The following EEPD1 variants were observed in gnomAD, a reference collection of about 807,000 sequenced individuals.
The protein encoded by EEPD1 is endonuclease/exonuclease/phosphatase family domain-containing protein 1.
A neutral mutation model predicts 46.3 loss-of-function variants in EEPD1; 17 were observed. The ratio of observed to expected loss-of-function variants is 0.37; its 90% CI spans 0.25 to 0.55. The LOEUF is 0.55. EEPD1 is among the 20% of genes least tolerant of loss of function. EEPD1 has a pLI of 0.83. For missense variants in EEPD1, 673 were observed against 745.6 expected (o/e 0.90, Z 1.13); for synonymous variants, 313 against 315.6 (o/e 0.99, Z 0.09).
At chr7:36,238,377 T>A (rs1786493959) in intron 2 of EEPD1, among the ~76,000 whole-genome samples, 1 of 152,218 alleles carries the variant, frequency 6.6e-6, no homozygotes, top group Non-Finnish European at 1.5e-5. Flanking sequence ...TTGGCCTTAT[T>A]TTACCCAGCC....
intron 3 of EEPD1, among the ~76,000 whole-genome samples, chr7:36,250,247 A>G (rs1225351118): frequency 6.6e-6 from 1 of 152,184 alleles, no homozygotes; most frequent in Non-Finnish European, 1.5e-5. Flanking sequence ...TAAAAATACT[A>G]ATTACATAAC....
chr7:36,199,732 C>T (rs1785682236), intron 2 of EEPD1, among the ~76,000 whole-genome samples: 1 of 152,126 alleles, frequency 6.6e-6, no homozygotes, highest in Admixed American at 6.5e-5. Context: ...AGACACTGGG[C>T]AGACTACCTT....
chr7:36,236,175 G>C (rs957185802), intron 2 of EEPD1, among the ~76,000 whole-genome samples: 1 of 152,210 alleles, frequency 6.6e-6, no homozygotes, highest in Non-Finnish European at 1.5e-5. Context: ...GCTCCGCCTC[G>C]GCGTCCGCTC....
chr7:36,292,005 G>A (rs763351746), intron 6 of EEPD1, among the ~76,000 whole-genome samples: 1 of 152,204 alleles, frequency 6.6e-6, no homozygotes, highest in Non-Finnish European at 1.5e-5. Context: ...AAATGCTTTA[G>A]GAGAAAACCT....
At chr7:36,198,353 AAAAAAG>A (rs1414733687) in intron 2 of EEPD1, among the ~76,000 whole-genome samples, 144 of 145,916 alleles carry the variant, frequency 9.9e-4, no homozygotes, top group South Asian at 3.5e-3. Context: ...AAAAAAAAAA[AAAAAAG>A]AAAGATATTT....
At chr7:36,169,387 C>A (rs1785041306) in intron 2 of EEPD1, among the ~76,000 whole-genome samples, 2 of 152,174 alleles carry the variant, frequency 1.3e-5, no homozygotes, top group Non-Finnish European at 2.9e-5. Context: ...ACATCCTCAT[C>A]AACAGTTGTT....
Position 36,299,224 on chromosome 7 carries a change from G to A in EEPD1, c.*18G>A, listed in dbSNP as rs374760101. 5 of 1,610,956 alleles carry A rather than the reference G, an allele frequency of 3.1e-6. No homozygotes were observed. Among genetic ancestry groups the A allele is most frequent in the East Asian group, 2.2e-5 (1 of 44,716 alleles). Reference sequence around the variant, plus strand: ...AGCGATGATGACACCAAATCCATGTGTCCACCCTGGGACCCAGGAGGGCAC... The same window carrying A: ...AGCGATGATGACACCAAATCCATGTATCCACCCTGGGACCCAGGAGGGCAC... On this transcript the variant is annotated 3_prime_UTR_variant, in exon 8 of 8. Coordinates refer to ENST00000242108, the MANE Select transcript of EEPD1 (RefSeq NM_030636.3).
rs1030471027 is a variant in EEPD1, at chr7:36,299,611, A to G, written c.*405A>G. ...AGCACTCATTTCTGACCACCAGGCT[A>G]TGACGTTCCTGCTGCGCATTACAGA... is the stretch of plus-strand genomic sequence containing the variant. On this transcript the variant is annotated 3_prime_UTR_variant, in exon 8 of 8. Transcript: ENST00000242108. 3 of 218,736 alleles carry G rather than the reference A, an allele frequency of 1.4e-5. No homozygotes were observed. The highest frequency in any genetic ancestry group is 2.3e-5 in the African/African-American group (1 of 43,790). The allele number at this position is 218,736 out of a possible 1,614,324, so 13.5% of individuals were successfully genotyped here.
chr7:36,228,109 T>C (rs1243310116), intron 2 of EEPD1, among the ~76,000 whole-genome samples: 1 of 152,180 alleles, frequency 6.6e-6, no homozygotes, highest in Non-Finnish European at 1.5e-5. Flanking sequence ...GATTCCTTCA[T>C]TAATTTCCTC....
intron 2 of EEPD1, among the ~76,000 whole-genome samples, chr7:36,169,217 T>G (rs1355906526): frequency 6.6e-6 from 1 of 152,210 alleles, no homozygotes; most frequent in Non-Finnish European, 1.5e-5. Flanking sequence ...TATATTTTCA[T>G]TTCTTTGGGG....
At chr7:36,158,436 A>G (rs1459287110) in intron 2 of EEPD1, among the ~76,000 whole-genome samples, 1 of 152,152 alleles carries the variant, frequency 6.6e-6, no homozygotes, top group East Asian at 1.9e-4. Flanking sequence ...CTGGCTGTGA[A>G]TTTGCTTTAG....
intron 2 of EEPD1, among the ~76,000 whole-genome samples, chr7:36,223,262 C>T (rs1032215479): frequency 6.6e-6 from 1 of 152,162 alleles, no homozygotes; most frequent in Non-Finnish European, 1.5e-5. Context: ...CTCACTATTG[C>T]ATGCTGGGTG....
intron 2 of EEPD1, among the ~76,000 whole-genome samples, chr7:36,219,798 AGAGAGAGAGTGTGT>A (rs1174350810): frequency 1.6e-3 from 126 of 77,042 alleles, no homozygotes; most frequent in African/African-American, 4.6e-3. Context: ...AGAGAGAGAG[AGAGAGAGAGTGTGT>A]GTGTGTGTGT....
chr7:36,156,441 T>A (rs1201924745), intron 2 of EEPD1, among the ~76,000 whole-genome samples: 1 of 152,166 alleles, frequency 6.6e-6, no homozygotes, highest in African/African-American at 2.4e-5. Flanking sequence ...AAAGTCTTCT[T>A]GTGCACAGGT....
At position 36,175,603 on chromosome 7, in the gene EEPD1, G is replaced by T. The variant is rs541717457; in HGVS notation, c.878+20401G>T. Among the ~76,000 whole-genome samples, 12 of 152,056 alleles carry T rather than the reference G, an allele frequency of 7.9e-5. No homozygotes were observed. The South Asian group carries it at 1.0e-3, about 13-fold the overall frequency. ...TGACATTTTGGGCCAGATGACTGTTGTAGGGGCTGGCCTGTGTTTTGTAGG... is the reference window on the plus strand; with the variant it reads ...TGACATTTTGGGCCAGATGACTGTTTTAGGGGCTGGCCTGTGTTTTGTAGG... On this transcript the variant is annotated intron_variant, in intron 2 of 7. Transcript: ENST00000242108.
chr7:36,290,648 C>T (rs2115890614), intron 6 of EEPD1, among the ~76,000 whole-genome samples: 1 of 152,310 alleles, frequency 6.6e-6, no homozygotes, highest in East Asian at 1.9e-4. Context: ...ACCTTCTTCC[C>T]TCAGACCTCA....
At chr7:36,157,531 T>TCGTCAGG (rs1784844652) in intron 2 of EEPD1, among the ~76,000 whole-genome samples, 1 of 152,176 alleles carries the variant, frequency 6.6e-6, no homozygotes, top group South Asian at 2.1e-4. Flanking sequence ...TGAACTACTG[T>TCGTCAGG]CGTCAGGCAA....
intron 3 of EEPD1, among the ~76,000 whole-genome samples, chr7:36,276,250 C>A (rs539381393): frequency 6.6e-6 from 1 of 152,312 alleles, no homozygotes; most frequent in South Asian, 2.1e-4. Context: ...CAAAACCCAC[C>A]AAAACCAAGA....
intron 3 of EEPD1, among the ~76,000 whole-genome samples, chr7:36,251,702 C>A (rs1786741601): frequency 6.6e-6 from 1 of 152,302 alleles, no homozygotes; most frequent in East Asian, 1.9e-4. Flanking sequence ...GAACCTGGCC[C>A]CTGTCCCAGT....
Sources: allele counts gnomAD v4.1 joint callset (sites outside exome capture counted in the v4.1 genomes callset), GRCh38; gene constraint gnomAD v4.1.1; transcripts MANE v1.5; gene names NCBI Gene and HGNC (gene_info 2026-07-23, HGNC 2026-07-21).